RNF220: variants seen among roughly 807,000 people sequenced by gnomAD.
RNF220 encodes the protein ring finger protein 220, also known as E3 ubiquitin-protein ligase RNF220.
Under a neutral mutation model 67.1 loss-of-function variants are expected in RNF220, and 7 were observed. The observed-to-expected ratio is 0.10, with a 90% CI of 0.06 to 0.20. RNF220 has a LOEUF of 0.20. Ranked by LOEUF, RNF220 falls within the 10% of genes least tolerant of loss-of-function variation. The probability of loss-of-function intolerance (pLI) is 1.00; values close to 1 mark genes in which losing one functional copy is unlikely to be tolerated. For synonymous variants in RNF220, 270 were observed against 283.2 expected (o/e 0.95, Z 0.47); for missense variants, 565 against 740.3 (o/e 0.76, Z 2.75).
At chr1:44,561,445 G>A (rs1253636784) in intron 2 of RNF220, among the ~76,000 whole-genome samples, 1 of 152,182 alleles carries the variant, frequency 6.6e-6, no homozygotes, top group Non-Finnish European at 1.5e-5. Flanking sequence ...GGAGGTGAAG[G>A]TTGCAGTGAG....
At chr1:44,611,309 C>T (rs935233518) in intron 2 of RNF220, among the ~76,000 whole-genome samples, 11 of 152,338 alleles carry the variant, frequency 7.2e-5, no homozygotes, top group African/African-American at 2.6e-4. Context: ...AGTAGAATGT[C>T]CCTGTGGCAG....
intron 2 of RNF220, among the ~76,000 whole-genome samples, chr1:44,525,877 C>T (rs963615606): frequency 1.3e-5 from 2 of 152,158 alleles, no homozygotes; most frequent in African/African-American, 4.8e-5. Context: ...AACTCTGAAT[C>T]CCATTTTGTA....
intron 6 of RNF220, 74 bp downstream of exon 6, chr1:44,632,459 T>C: frequency 1.7e-6 from 2 of 1,157,184 alleles, no homozygotes; most frequent in Non-Finnish European, 2.3e-6. Flanking sequence ...CTGCCGCTCC[T>C]GGCTTGCCTG....
intron 2 of RNF220, among the ~76,000 whole-genome samples, chr1:44,425,406 A>G (rs1378583949): frequency 6.6e-6 from 1 of 152,166 alleles, no homozygotes; most frequent in Non-Finnish European, 1.5e-5. Flanking sequence ...TTGTTGTTAA[A>G]GTAAATGAAC....
chr1:44,442,171 T>A (rs1230280213), intron 2 of RNF220, among the ~76,000 whole-genome samples: 1 of 152,134 alleles, frequency 6.6e-6, no homozygotes, highest in Non-Finnish European at 1.5e-5. Flanking sequence ...CTCTGCCACC[T>A]AAGCTGGAGT....
chr1:44,461,379 A>C (rs1221540973), intron 2 of RNF220, among the ~76,000 whole-genome samples: 1 of 152,214 alleles, frequency 6.6e-6, no homozygotes, highest in Non-Finnish European at 1.5e-5. Context: ...TGTTGCAAAA[A>C]TAAAATACTT....
intron 2 of RNF220, among the ~76,000 whole-genome samples, chr1:44,470,706 C>A (rs964371194): frequency 6.6e-6 from 1 of 152,218 alleles, no homozygotes; most frequent in Non-Finnish European, 1.5e-5. Context: ...AACCTCATCA[C>A]TAAGAACTCA....
At chr1:44,431,220 G>A (rs1395349865) in intron 2 of RNF220, among the ~76,000 whole-genome samples, 1 of 152,150 alleles carries the variant, frequency 6.6e-6, no homozygotes. Flanking sequence ...AGACGGCCGG[G>A]CGAGGTGGCT....
At position 44,552,724 on chromosome 1, in the gene RNF220, C is replaced by T. The variant is rs1173386130; in HGVS notation, c.626-61441C>T. ...TAGCTGGGACTACGGGCACCCGCCA[C>T]CACGCCCGGCTAATTTTTGTATATT... On this transcript the variant is annotated intron_variant, in intron 2 of 14. Coordinates refer to ENST00000361799, the MANE Select transcript of RNF220 (RefSeq NM_018150.4). Among the ~76,000 whole-genome samples the T allele has an allele frequency of 2.0e-5, 3 of 151,808 alleles. No homozygotes were observed. In the East Asian group the frequency reaches 5.9e-4, roughly 30 times the overall value.
At chr1:44,453,576 C>T (rs1345124635) in intron 2 of RNF220, among the ~76,000 whole-genome samples, 1 of 151,754 alleles carries the variant, frequency 6.6e-6, no homozygotes, top group Non-Finnish European at 1.5e-5. Flanking sequence ...GGTTTTACCT[C>T]CTGTAAACTA....
chr1:44,494,205 C>CAAAAAAAAAA (rs375116674), intron 2 of RNF220, among the ~76,000 whole-genome samples: 39 of 122,436 alleles, frequency 3.2e-4, no homozygotes, highest in Non-Finnish European at 4.3e-4. Flanking sequence ...GAAACTCTGT[C>CAAAAAAAAAA]AAAAAAAAAA....
chr1:44,446,089 T>C (rs1288482568), intron 2 of RNF220, among the ~76,000 whole-genome samples: 1 of 152,198 alleles, frequency 6.6e-6, no homozygotes, highest in East Asian at 1.9e-4. Context: ...ATGAAAAACT[T>C]CTGAAAATCA....
intron 2 of RNF220, among the ~76,000 whole-genome samples, chr1:44,549,721 A>G (rs149383717): frequency 1.4e-4 from 21 of 152,276 alleles, no homozygotes; most frequent in Non-Finnish European, 2.9e-4. Context: ...CTCCAGAGAG[A>G]GCATGTGTTC....
chr1:44,439,516 G>A (rs1196618388), intron 2 of RNF220, among the ~76,000 whole-genome samples: 3 of 151,442 alleles, frequency 2.0e-5, no homozygotes, highest in African/African-American at 7.3e-5. Context: ...GCTTTTTGTT[G>A]TTGTTGTTAT....
chr1:44,617,085 G>A (rs929116556), intron 3 of RNF220, among the ~76,000 whole-genome samples: 7 of 152,190 alleles, frequency 4.6e-5, no homozygotes, highest in African/African-American at 1.7e-4. Context: ...GCCCAGCCCA[G>A]CACCCCTACG....
rs1648658292 is a variant in RNF220 at position 44,417,459 on chromosome 1, T to G, written c.625+4737T>G. Among the ~76,000 whole-genome samples the G allele has an allele frequency of 6.6e-6, 1 of 152,170 alleles. No homozygotes were observed. The highest frequency in any genetic ancestry group is 1.9e-4 in the East Asian group (1 of 5,188). ...GCAGAGCCATCTGGCCTGGCTTGGC[T>G]TGGCTCGGCGCGCCGCTCGCCTGGC... On this transcript the variant is annotated intron_variant, in intron 2 of 14. Coordinates refer to ENST00000361799, the MANE Select transcript of RNF220 (RefSeq NM_018150.4). The surrounding 1 kb of genome is among the most constrained non-coding windows in gnomAD (Gnocchi z 4.0).
rs796131470 is a variant in RNF220 at position 44,520,128 on chromosome 1, T to TGTGTGAGA, written c.626-94036_626-94035insTGTGAGAG. On this transcript the variant is annotated intron_variant, in intron 2 of 14. Coordinates refer to ENST00000361799, the MANE Select transcript of RNF220 (RefSeq NM_018150.4). ...GTGTGTGTGTGTGTGTGTGTGTGTG[T>TGTGTGAGA]GAGAGAGAGAGAGAGAGAAAGAGAG... Among the ~76,000 whole-genome samples the TGTGTGAGA allele has an allele frequency of 3.5e-3, 392 of 113,430 alleles. 4 individuals are homozygous for TGTGTGAGA. Among genetic ancestry groups the TGTGTGAGA allele is most frequent in the South Asian group, 0.018 (50 of 2,782 alleles). The allele number at this position is 113,430 out of a possible 152,430, so 74.4% of individuals were successfully genotyped here.
chr1:44,579,596 A>G (rs140116044), intron 2 of RNF220, among the ~76,000 whole-genome samples: 98 of 152,298 alleles, frequency 6.4e-4, no homozygotes, highest in African/African-American at 1.2e-3. Flanking sequence ...ACTTTGGGAC[A>G]GTTGGTTCTG....
At chr1:44,509,272 C>T (rs770721350) in intron 2 of RNF220, among the ~76,000 whole-genome samples, 12 of 152,108 alleles carry the variant, frequency 7.9e-5, no homozygotes, top group Non-Finnish European at 1.5e-4. Context: ...CATAGGCAGC[C>T]GGGTGTGGTG....
Sources: allele counts gnomAD v4.1 joint callset (sites outside exome capture counted in the v4.1 genomes callset), GRCh38; gene constraint gnomAD v4.1.1; non-coding constraint Gnocchi (gnomAD v3.1); transcripts MANE v1.5; gene names NCBI Gene and HGNC (gene_info 2026-07-23, HGNC 2026-07-21).